SLC24A2: variants seen among roughly 807,000 people sequenced by gnomAD.
SLC24A2 encodes the protein solute carrier family 24 member 2.
SLC24A2 carries 36 observed loss-of-function variants against 62.0 expected under a neutral mutation model. That is an observed-to-expected ratio of 0.58 (90% CI 0.44 to 0.77). The LOEUF (loss-of-function observed/expected upper bound fraction) is 0.77, where lower values mean the gene tolerates loss of function less well. SLC24A2 is among the 30% of genes least tolerant of loss of function. SLC24A2 has a pLI of 0.00. For missense variants in SLC24A2, 846 were observed against 817.9 expected, an observed-to-expected ratio of 1.03 and a Z score of -0.42; for synonymous variants, 358 against 294.0, an observed-to-expected ratio of 1.22 and a Z score of -2.23.
At chr9:19,822,269 A>C in the SLC24A2 span, among the ~76,000 whole-genome samples, 1 of 152,188 alleles carries the variant, frequency 6.6e-6, no homozygotes, top group African/African-American at 2.4e-5. Flanking sequence ...TATCCATGCC[A>C]ATCAGGCTTG....
At chr9:20,025,658 G>A in the SLC24A2 span, among the ~76,000 whole-genome samples, 2 of 152,236 alleles carry the variant, frequency 1.3e-5, no homozygotes, top group Admixed American at 6.5e-5. Context: ...TCTTAAAAAG[G>A]TTCTGCTATA....
At chr9:19,767,843 A>G (rs1021042300) in intron 2 of SLC24A2, among the ~76,000 whole-genome samples, 2 of 152,248 alleles carry the variant, frequency 1.3e-5, no homozygotes, top group South Asian at 4.1e-4. Flanking sequence ...TGGTTATAAA[A>G]GAATACTTGA....
the SLC24A2 span, among the ~76,000 whole-genome samples, chr9:20,186,027 A>C: frequency 2.0e-5 from 3 of 152,226 alleles, no homozygotes; most frequent in African/African-American, 4.8e-5. Flanking sequence ...ATTAAAATAC[A>C]TGTATTGTTT....
the SLC24A2 span, among the ~76,000 whole-genome samples, chr9:20,264,940 T>C: frequency 6.6e-6 from 1 of 152,220 alleles, no homozygotes; most frequent in South Asian, 2.1e-4. Flanking sequence ...TGGAGAATCC[T>C]AAGCCACTCC....
At chr9:19,636,326 T>TCC (rs1554690402) in intron 2 of SLC24A2, among the ~76,000 whole-genome samples, 3 of 26,874 alleles carry the variant, frequency 1.1e-4, no homozygotes, top group African/African-American at 4.9e-4. Flanking sequence ...TTTCTTTCTT[T>TCC]CTTTCTTTCT....
At chr9:19,674,120 TC>T (rs1819498103) in intron 2 of SLC24A2, among the ~76,000 whole-genome samples, 1 of 152,190 alleles carries the variant, frequency 6.6e-6, no homozygotes, top group Admixed American at 6.5e-5. Flanking sequence ...CATCTTTCCT[TC>T]ACTTATGAAG....
chr9:20,088,862 T>C, the SLC24A2 span, among the ~76,000 whole-genome samples: 3 of 152,220 alleles, frequency 2.0e-5, no homozygotes, highest in East Asian at 5.8e-4. Context: ...AGAGGCAGGC[T>C]ACCATCTTTG....
chr9:20,116,872 G>A, the SLC24A2 span, among the ~76,000 whole-genome samples: 20 of 152,084 alleles, frequency 1.3e-4, no homozygotes, highest in African/African-American at 4.8e-4. Context: ...TGTAATAAAG[G>A]AGAGAAATGA....
the SLC24A2 span, among the ~76,000 whole-genome samples, chr9:19,853,052 C>T: frequency 2.0e-5 from 3 of 152,076 alleles, no homozygotes; most frequent in Admixed American, 2.0e-4. Context: ...AGATGTATTG[C>T]TGGGTATTTT....
the SLC24A2 span, among the ~76,000 whole-genome samples, chr9:19,820,685 T>G: frequency 6.6e-6 from 1 of 151,968 alleles, no homozygotes; most frequent in South Asian, 2.1e-4. Context: ...GGATTCTGTG[T>G]GTGTGTGTGT....
At chr9:20,270,359 A>G in the SLC24A2 span, among the ~76,000 whole-genome samples, 3 of 152,278 alleles carry the variant, frequency 2.0e-5, no homozygotes, top group South Asian at 6.2e-4. Flanking sequence ...AGAATTGGGA[A>G]TAATGGTAAG....
At chr9:19,688,361 A>G (rs538127315) in intron 2 of SLC24A2, among the ~76,000 whole-genome samples, 3 of 152,112 alleles carry the variant, frequency 2.0e-5, no homozygotes, top group Non-Finnish European at 4.4e-5. Flanking sequence ...GTGGCAAAGT[A>G]CAATGAGAAA....
the SLC24A2 span, among the ~76,000 whole-genome samples, chr9:20,009,381 C>G: frequency 4.5e-5 from 4 of 87,954 alleles, no homozygotes; most frequent in Non-Finnish European, 8.9e-5. Context: ...TGAACTCTGT[C>G]TCAAAAAAAA....
intron 2 of SLC24A2, among the ~76,000 whole-genome samples, chr9:19,767,909 C>T (rs1028217224): frequency 1.3e-5 from 2 of 152,206 alleles, no homozygotes; most frequent in African/African-American, 4.8e-5. Flanking sequence ...GGTCTAGAGG[C>T]TGCACCTGCT....
At chr9:19,662,644 GGA>G (rs2118250921) in intron 2 of SLC24A2, among the ~76,000 whole-genome samples, 1 of 152,222 alleles carries the variant, frequency 6.6e-6, no homozygotes, top group African/African-American at 2.4e-5. Flanking sequence ...CCCTAAACCT[GGA>G]GTTCCATTGC....
the SLC24A2 span, among the ~76,000 whole-genome samples, chr9:19,890,351 C>G: frequency 6.6e-6 from 1 of 152,174 alleles, no homozygotes; most frequent in Non-Finnish European, 1.5e-5. Flanking sequence ...ACTAGGAAGG[C>G]AGGACCACTG....
At chr9:20,231,685 G>A in the SLC24A2 span, among the ~76,000 whole-genome samples, 2 of 152,122 alleles carry the variant, frequency 1.3e-5, no homozygotes, top group East Asian at 3.9e-4. Context: ...TGCAAACAGG[G>A]ACAATTTGAC....
intron 2 of SLC24A2, among the ~76,000 whole-genome samples, chr9:19,684,679 A>G (rs1241493576): frequency 6.6e-6 from 1 of 150,966 alleles, no homozygotes; most frequent in African/African-American, 2.4e-5. Context: ...TTGTGAAGAA[A>G]GTAGGTATAT....
chr9:19,578,418 T>A (rs1836099230), intron 5 of SLC24A2, among the ~76,000 whole-genome samples: 1 of 151,844 alleles, frequency 6.6e-6, no homozygotes, highest in Non-Finnish European at 1.5e-5. Context: ...CACATTCCTC[T>A]TCTTTTTATC....
Sources: gnomAD v4.1 joint callset for allele counts (sites outside exome capture counted in the v4.1 genomes callset) on GRCh38, gnomAD v4.1.1 for gene constraint, MANE v1.5 for transcripts, NCBI Gene and HGNC (gene_info 2026-07-23, HGNC 2026-07-21) for gene names.